Variants in EAF1 observed in about 807,000 individuals in gnomAD.
EAF1 encodes ELL-associated factor 1.
In EAF1, 19 loss-of-function variants were observed where a neutral mutation model predicts 26.6. The ratio of observed to expected loss-of-function variants is 0.71; its 90% CI spans 0.50 to 1.05. The LOEUF (loss-of-function observed/expected upper bound fraction) is 1.05, where lower values mean the gene tolerates loss of function less well. EAF1 is among the 50% of genes least tolerant of loss of function. The pLI is 0.00. For missense variants in EAF1, 260 were observed against 335.5 expected (o/e 0.78, Z 1.76); for synonymous variants, 102 against 120.6 (o/e 0.85, Z 1.01).
At position 15,430,003 on chromosome 3, in the gene EAF1, T is replaced by A. The variant is rs762650658; in HGVS notation, c.194T>A (p.Ile65Asn). 9.5e-6 allele frequency: 15 copies of A among 1,584,214 alleles called. No individual in the cohort carries two copies. In the East Asian group the frequency reaches 3.2e-4, roughly 33 times the overall value. Residue 65 changes from isoleucine (I) to asparagine (N), a missense_variant, in exon 2 of 6, where the codon ATC becomes AAC. Coordinates refer to ENST00000396842, the MANE Select transcript of EAF1 (RefSeq NM_033083.7). ...GDEVTITLPH[I>N]PGSTPPMTVF... is the part of the protein sequence containing the mutation. Reference sequence around the variant, plus strand: ...GAAGTCACAATTACACTGCCACATATCCCTGTGAGTTTATTTCATTTTTTT... The same window carrying A: ...GAAGTCACAATTACACTGCCACATAACCCTGTGAGTTTATTTCATTTTTTT...
chr3:15,433,124 G>C (rs77122030), intron 3 of EAF1: 2 of 149,678 alleles, frequency 1.3e-5, no homozygotes, highest in Non-Finnish European at 3.0e-5. Flanking sequence ...ATATGGAATT[G>C]TTCATGAGTT....
In EAF1 at chr3:15,436,368, G is replaced by A; in HGVS notation, c.553G>A (p.Glu185Lys). The A allele has an allele frequency of 6.2e-7, 1 of 1,612,128 alleles. No individual in the cohort carries two copies. The highest frequency in any genetic ancestry group is 2.2e-5 in the East Asian group (1 of 44,832). Residue 185 changes from glutamate (E) to lysine (K), a missense_variant, in exon 5 of 6, where the codon GAA (glutamate) becomes AAA (lysine). Physicochemically the swap from Glu to Lys is moderately conservative, Grantham distance 56. Coordinates refer to ENST00000396842, the MANE Select transcript of EAF1 (RefSeq NM_033083.7). ...GCTGAGGGCTGAAGTTGACATTATT[G>A]AACAAATGAGCAGCAGCAGTGGGAG... The part of the protein sequence containing the change: ...RELRAEVDII[E>K]QMSSSSGSSS...
intron 3 of EAF1, 56 bp from the exon 4 acceptor site, chr3:15,434,292 A>G: frequency 6.3e-7 from 1 of 1,589,062 alleles, no homozygotes; most frequent in African/African-American, 1.3e-5. Flanking sequence ...TCACCTGGAC[A>G]AATTTGAGAA....
rs1349402612 is a variant in EAF1, at chr3:15,432,184, TG to T, written c.298del (p.Glu100LysfsTer9). 4 of 1,614,196 alleles carry T rather than the reference TG, an allele frequency of 2.5e-6. No individual in the cohort carries two copies. Among genetic ancestry groups the T allele is most frequent in the Non-Finnish European group, 3.4e-6 (4 of 1,180,020 alleles). ...IINHDTGEYV[L>X]EKLSSSIQVK... is the part of the protein sequence containing the mutation. ...AATCATGACACTGGTGAATATGTGC[TG>T]GAAAAACTCAGTAGCAGCATTCAGG... On this transcript the variant is annotated frameshift_variant, in exon 3 of 6. Transcript: ENST00000396842. LOFTEE classifies it high-confidence loss of function.
chr3:15,438,522 T>C (rs1337786360), intron 5 of EAF1: 1 of 151,406 alleles, frequency 6.6e-6, no homozygotes, highest in Non-Finnish European at 1.5e-5. Context: ...TTTTTTTTTT[T>C]TTTCTTTTTT....
chr3:15,428,463 T>C (rs2061772788), intron 1 of EAF1, among the ~76,000 whole-genome samples: 1 of 152,198 alleles, frequency 6.6e-6, no homozygotes. Flanking sequence ...TTCCATCTCC[T>C]TTCTGTGCTT....
intron 4 of EAF1, 86 bp downstream of exon 4, chr3:15,434,624 T>C (rs2061824014): frequency 6.8e-7 from 1 of 1,477,850 alleles, no homozygotes; most frequent in South Asian, 1.2e-5. Context: ...GCTGTATTGA[T>C]ACAGTGGCTG....
intron 5 of EAF1, chr3:15,438,634 C>T: frequency 6.6e-6 from 1 of 152,516 alleles, no homozygotes; most frequent in Non-Finnish European, 1.5e-5. Flanking sequence ...AAGCGATTCT[C>T]CTGCTTCAGC....
intron 3 of EAF1, among the ~76,000 whole-genome samples, chr3:15,433,599 C>T (rs1188121991): frequency 1.3e-5 from 2 of 152,208 alleles, no homozygotes; most frequent in Non-Finnish European, 2.9e-5. Flanking sequence ...ATATTCTCAG[C>T]TTGGGATGGA....
Position 15,427,630 on chromosome 3 carries a change from C to T in EAF1, c.-150C>T. On this transcript the variant is annotated 5_prime_UTR_variant, in exon 1 of 6. Coordinates refer to ENST00000396842, the MANE Select transcript of EAF1 (RefSeq NM_033083.7). ...ACCCCCACGCAGAGGAGAGAACTTG[C>T]TTCTGGACCCGGGTGGGTGCCGGCT... The T allele has an allele frequency of 1.3e-6, 1 of 756,034 alleles. No individual in the cohort carries two copies. Among genetic ancestry groups the T allele is most frequent in the Admixed American group, 2.4e-5 (1 of 41,742 alleles). The allele number at this position is 756,034 out of a possible 1,614,324, so 46.8% of individuals were successfully genotyped here. A position where few individuals can be genotyped will look rare whatever the true frequency, so the allele number is the denominator to read the frequency against.
chr3:15,436,742 A>G (rs1195516162), intron 5 of EAF1, 167 bp downstream of exon 5: 7 of 513,208 alleles, frequency 1.4e-5, no homozygotes, highest in African/African-American at 3.8e-5. Context: ...AAAAAGGGAA[A>G]TGAGATGAAA....
At chr3:15,435,290 T>C (rs1279290177) in intron 4 of EAF1, among the ~76,000 whole-genome samples, 1 of 152,244 alleles carries the variant, frequency 6.6e-6, no homozygotes, top group East Asian at 1.9e-4. Context: ...ACACGATGAA[T>C]GGTTTTAGTC....
chr3:15,442,205 C>T lies in EAF1; in HGVS notation c.*3050C>T, dbSNP rs1328829177. 4 of 137,838 alleles carry T rather than the reference C, an allele frequency of 2.9e-5. No homozygotes were observed. The highest frequency in any genetic ancestry group is 1.2e-4 in the African/African-American group (4 of 32,576). 8.5% of individuals were successfully genotyped at this position (137,838 alleles called of 1,614,324 possible). ...TTTCCTATTTGAGAGGCTGGTTCAG[C>T]AGGGTGTGTGTGTGTGTGTGTGTGT... is the stretch of plus-strand genomic sequence containing the variant. On this transcript the variant is annotated 3_prime_UTR_variant, in exon 6 of 6. Transcript: ENST00000396842.
intron 5 of EAF1, chr3:15,438,854 A>C (rs1001057347): frequency 2.7e-6 from 1 of 363,656 alleles, no homozygotes; most frequent in Non-Finnish European, 5.0e-6. Flanking sequence ...GCTATTTATT[A>C]AACCATTTAA....
In EAF1 at chr3:15,436,354, A is replaced by C; in HGVS notation, c.539A>C (p.Glu180Ala). 3.1e-6 allele frequency: 5 copies of C among 1,608,692 alleles called. No homozygotes were observed. The South Asian group carries it at 5.5e-5, about 18-fold the overall frequency. Residue 180 changes from glutamate (E) to alanine (A), a missense_variant, in exon 5 of 6, where the codon GAA becomes GCA. Transcript: ENST00000396842. ...TCCTTTATTCCAGAGCTGAGGGCTGAAGTTGACATTATTGAACAAATGAGC... is the reference window on the plus strand; with the variant it reads ...TCCTTTATTCCAGAGCTGAGGGCTGCAGTTGACATTATTGAACAAATGAGC... ...LDDIKRELRAEVDIIEQMSSS... is the reference protein window; with the variant it reads ...LDDIKRELRAAVDIIEQMSSS...
rs188397937 is a variant in EAF1, at chr3:15,429,119, T to G, written c.104-794T>G. Among the ~76,000 whole-genome samples, 249 of 152,354 alleles carry G rather than the reference T, an allele frequency of 1.6e-3. 1 individual carries two copies. The highest frequency in any genetic ancestry group is 5.8e-3 in the African/African-American group (241 of 41,582). ...TTAAGATGGCTATTATGTTGTATTCTAACTGCAGTTTAGAAACACGAGCAG... is the reference window on the plus strand; with the variant it reads ...TTAAGATGGCTATTATGTTGTATTCGAACTGCAGTTTAGAAACACGAGCAG... On this transcript the variant is annotated intron_variant, in intron 1 of 5. Transcript: ENST00000396842.
chr3:15,433,894 T>G (rs895809415), intron 3 of EAF1, among the ~76,000 whole-genome samples: 2 of 152,212 alleles, frequency 1.3e-5, no homozygotes, highest in African/African-American at 4.8e-5. Context: ...TCAATTATGG[T>G]GGTGGGACAT....
Position 15,434,259 on chromosome 3 carries a change from T to A in EAF1, c.336-89T>A, listed in dbSNP as rs1184163501. 2.7e-6 allele frequency: 4 copies of A among 1,467,344 alleles called. No homozygotes were observed. The East Asian group carries it at 9.1e-5, about 33-fold the overall frequency. The allele number at this position is 1,467,344 out of a possible 1,614,324, so 90.9% of individuals were successfully genotyped here. A position where few individuals can be genotyped will look rare whatever the true frequency, so the allele number is the denominator to read the frequency against. On this transcript the variant is annotated intron_variant, in intron 3 of 5. Coordinates refer to ENST00000396842, the MANE Select transcript of EAF1 (RefSeq NM_033083.7). ...GTGGTCTGGAAAGAACATGGGGTTCTACAGAGACTTCTGAGTTTTCAGTCA... is the reference window on the plus strand; with the variant it reads ...GTGGTCTGGAAAGAACATGGGGTTCAACAGAGACTTCTGAGTTTTCAGTCA...
Position 15,436,592 on chromosome 3 carries a change from T to C in EAF1, c.760+17T>C, listed in dbSNP as rs1266296728. Reference sequence around the variant, plus strand: ...ACACCCTCAGTAAGTGTGTACTCCTTTTTATGGCTGAGAGAGGGCCATAGG... The same window carrying C: ...ACACCCTCAGTAAGTGTGTACTCCTCTTTATGGCTGAGAGAGGGCCATAGG... On this transcript the variant is annotated intron_variant, in intron 5 of 5. Coordinates refer to ENST00000396842, the MANE Select transcript of EAF1 (RefSeq NM_033083.7). The C allele has an allele frequency of 6.5e-7, 1 of 1,548,844 alleles. No individual in the cohort carries two copies. Among genetic ancestry groups the C allele is most frequent in the Non-Finnish European group, 8.8e-7 (1 of 1,134,590 alleles).
Sources: allele counts gnomAD v4.1 joint callset (sites outside exome capture counted in the v4.1 genomes callset), GRCh38; gene constraint gnomAD v4.1.1; transcripts MANE v1.5; gene names NCBI Gene and HGNC (gene_info 2026-07-23, HGNC 2026-07-21).